GNAI1: variants seen among roughly 807,000 people sequenced by gnomAD.
GNAI1 encodes the protein G protein subunit alpha i1.
Under a neutral mutation model 38.9 loss-of-function variants are expected in GNAI1, and 11 were observed. The observed-to-expected ratio is 0.28, with a 90% CI of 0.18 to 0.47. The LOEUF is 0.47. Ranked by LOEUF, GNAI1 falls within the 20% of genes least tolerant of loss-of-function variation. The probability of loss-of-function intolerance (pLI) is 0.99; values close to 1 mark genes in which losing one functional copy is unlikely to be tolerated. For synonymous variants in GNAI1, 166 were observed against 145.1 expected, an observed-to-expected ratio of 1.14 and a Z score of -1.04; for missense variants, 317 against 436.9, an observed-to-expected ratio of 0.73 and a Z score of 2.45.
intron 4 of GNAI1, among the ~76,000 whole-genome samples, chr7:80,201,154 T>C (rs916542227): frequency 1.3e-5 from 2 of 152,006 alleles, no homozygotes; most frequent in Non-Finnish European, 2.9e-5. Context: ...AGAAGACAAA[T>C]TAGAAAAAAT....
At chr7:80,209,376 G>A (rs1306085522) in intron 5 of GNAI1, among the ~76,000 whole-genome samples, 1 of 152,184 alleles carries the variant, frequency 6.6e-6, no homozygotes. Context: ...CATTGTGGAG[G>A]AAGAATTACA....
chr7:80,163,288 A>G (rs1219186604), intron 1 of GNAI1, among the ~76,000 whole-genome samples: 1 of 152,198 alleles, frequency 6.6e-6, no homozygotes, highest in Non-Finnish European at 1.5e-5. Flanking sequence ...ACACCTCAGC[A>G]TGCATACTAC....
intron 1 of GNAI1, among the ~76,000 whole-genome samples, chr7:80,179,945 C>T (rs1419953547): frequency 6.6e-6 from 1 of 151,948 alleles, no homozygotes; most frequent in Non-Finnish European, 1.5e-5. Flanking sequence ...TATTTTTTGC[C>T]GTAGAAGGAG....
intron 1 of GNAI1, among the ~76,000 whole-genome samples, chr7:80,143,400 A>C (rs961997402): frequency 6.6e-6 from 1 of 152,174 alleles, no homozygotes; most frequent in Non-Finnish European, 1.5e-5. Flanking sequence ...TAAATCTGTC[A>C]GTTGTTTTCA....
At chr7:80,176,829 C>G (rs982162850) in intron 1 of GNAI1, among the ~76,000 whole-genome samples, 10 of 148,838 alleles carry the variant, frequency 6.7e-5, no homozygotes, top group African/African-American at 2.5e-4. Context: ...CCCAGCTACT[C>G]GGGAGGCTGA....
chr7:80,217,191 A>AATGAAAATGT, intron 7 of GNAI1, 112 bp from the exon 8 acceptor site: 1 of 152,436 alleles, frequency 6.6e-6, no homozygotes. Flanking sequence ...GGAGTCCATG[A>AATGAAAATGT]ATGAAACTGT....
intron 1 of GNAI1, among the ~76,000 whole-genome samples, chr7:80,155,775 T>C (rs1787807367): frequency 6.6e-6 from 1 of 151,748 alleles, no homozygotes; most frequent in Admixed American, 6.6e-5. Flanking sequence ...ATTAGAAAAC[T>C]GCTGGGCATG....
At chr7:80,164,893 A>G (rs1787986599) in intron 1 of GNAI1, among the ~76,000 whole-genome samples, 1 of 149,834 alleles carries the variant, frequency 6.7e-6, no homozygotes, top group Admixed American at 6.6e-5. Flanking sequence ...TCTTTACTCG[A>G]CCTTTTTAAT....
At chr7:80,141,569 A>C (rs1787526402) in intron 1 of GNAI1, among the ~76,000 whole-genome samples, 1 of 152,120 alleles carries the variant, frequency 6.6e-6, no homozygotes, top group East Asian at 1.9e-4. Context: ...GTGGGTACTG[A>C]ACTTCTCCAC....
At chr7:80,136,051 T>C in intron 1 of GNAI1, 3 of 985,416 alleles carry the variant, frequency 3.0e-6, no homozygotes, top group Non-Finnish European at 3.6e-6. Flanking sequence ...TGCCACCGTT[T>C]CTGATGAATG....
intron 1 of GNAI1, among the ~76,000 whole-genome samples, chr7:80,168,452 A>G (rs1362160352): frequency 6.6e-6 from 1 of 152,094 alleles, no homozygotes; most frequent in Non-Finnish European, 1.5e-5. Flanking sequence ...CAGTGGCACG[A>G]TCTCGGCTCA....
intron 1 of GNAI1, among the ~76,000 whole-genome samples, chr7:80,153,537 G>A (rs1030990930): frequency 2.6e-5 from 4 of 152,162 alleles, no homozygotes; most frequent in Non-Finnish European, 5.9e-5. Flanking sequence ...ACAGGTGGCC[G>A]AGGTAGGATG....
intron 3 of GNAI1, among the ~76,000 whole-genome samples, chr7:80,193,979 C>T (rs902827788): frequency 6.6e-6 from 1 of 152,094 alleles, no homozygotes; most frequent in Non-Finnish European, 1.5e-5. Context: ...CATACATGCT[C>T]CTGCATAATG....
intron 1 of GNAI1, among the ~76,000 whole-genome samples, chr7:80,186,266 C>T (rs1025193764): frequency 9.2e-5 from 14 of 151,870 alleles, no homozygotes; most frequent in East Asian, 3.9e-4. Context: ...CTCTTGTCCT[C>T]GTGATCTGCC....
rs1245800570 is a variant in GNAI1, at chr7:80,217,552, T to C, written c.*59T>C. The C allele has an allele frequency of 6.6e-6, 6 of 913,384 alleles. No homozygotes were observed. In the African/African-American group the frequency reaches 1.0e-4, roughly 15 times the overall value. The allele number at this position is 913,384 out of a possible 1,614,324, so 56.6% of individuals were successfully genotyped here. On this transcript the variant is annotated 3_prime_UTR_variant, in exon 8 of 8. Coordinates refer to ENST00000649796, the MANE Select transcript of GNAI1 (RefSeq NM_002069.6). ...CCAAATGAGTACTTATATATGGATC[T>C]CTGTAGACTAGAGTCTTGCAGCAAC...
intron 1 of GNAI1, among the ~76,000 whole-genome samples, chr7:80,168,444 G>A (rs1319220949): frequency 1.3e-5 from 2 of 152,068 alleles, no homozygotes; most frequent in Non-Finnish European, 2.9e-5. Flanking sequence ...CTGGAGTGCA[G>A]TGGCACGATC....
rs543659506 is a variant in GNAI1, at chr7:80,211,461, A to G, written c.720+363A>G. 6.3e-5 allele frequency among the ~76,000 whole-genome samples: 9 copies of G among 143,084 alleles called. No individual in the cohort carries two copies. In the East Asian group the frequency reaches 1.4e-3, roughly 23 times the overall value. 93.9% of individuals were successfully genotyped at this position (143,084 alleles called of 152,430 possible). A position where few individuals can be genotyped will look rare whatever the true frequency, so the allele number is the denominator to read the frequency against. On this transcript the variant is annotated intron_variant, in intron 6 of 7. Transcript: ENST00000649796. ...TGAGACGGAGTCTCGCCCTGTTGCC[A>G]GACTGGAGTGCAGTGGCACCATCTC...
intron 1 of GNAI1, among the ~76,000 whole-genome samples, chr7:80,151,042 G>A (rs1338407106): frequency 2.0e-5 from 3 of 152,088 alleles, no homozygotes; most frequent in Non-Finnish European, 4.4e-5. Flanking sequence ...TCATTAGCAT[G>A]GAATTCAGGA....
At chr7:80,203,894 A>C in intron 5 of GNAI1, 62 bp downstream of exon 5, 2 of 991,668 alleles carry the variant, frequency 2.0e-6, no homozygotes, top group Non-Finnish European at 1.4e-6. Context: ...TTTAGAAATA[A>C]AAAGTGTAAT....
Sources: allele counts gnomAD v4.1 joint callset (sites outside exome capture counted in the v4.1 genomes callset), GRCh38; gene constraint gnomAD v4.1.1; transcripts MANE v1.5; gene names NCBI Gene and HGNC (gene_info 2026-07-23, HGNC 2026-07-21).